VCL: variants seen among roughly 807,000 people sequenced by gnomAD.
VCL encodes the protein vinculin.
VCL carries 47 observed loss-of-function variants against 125.7 expected under a neutral mutation model. That is an observed-to-expected ratio of 0.37 (90% CI 0.30 to 0.48). The LOEUF is 0.48. Ranked by LOEUF, VCL falls within the 20% of genes least tolerant of loss-of-function variation. The probability of loss-of-function intolerance (pLI) is 0.99; values close to 1 mark genes in which losing one functional copy is unlikely to be tolerated. For missense variants in VCL, 1,069 were observed against 1,455.5 expected (o/e 0.73, Z 4.32); for synonymous variants, 458 against 514.6 (o/e 0.89, Z 1.49).
chr10:74,014,381 A>G (rs7915720), intron 1 of VCL, among the ~76,000 whole-genome samples: 95,710 of 151,630 alleles, frequency 0.63, 31,103 homozygotes, highest in Middle Eastern at 0.74. Flanking sequence ...ACAAGCATGT[A>G]CAGCCATGCC....
intron 1 of VCL, among the ~76,000 whole-genome samples, chr10:74,015,735 A>G (rs1840525852): frequency 6.7e-6 from 1 of 149,640 alleles, no homozygotes; most frequent in African/African-American, 2.5e-5. Flanking sequence ...CCCAGGCTAG[A>G]GTGCAGTGGT....
chr10:74,022,432 G>A (rs1472762754), intron 1 of VCL, among the ~76,000 whole-genome samples: 1 of 151,774 alleles, frequency 6.6e-6, no homozygotes, highest in African/African-American at 2.4e-5. Context: ...TGTAGTTACA[G>A]CTACTCCGGA....
intron 1 of VCL, chr10:74,016,939 A>C (rs565371833): frequency 6.6e-6 from 1 of 152,020 alleles, no homozygotes; most frequent in African/African-American, 2.4e-5. Context: ...GATATGCTCT[A>C]TATAAGTGAA....
intron 2 of VCL, among the ~76,000 whole-genome samples, chr10:74,062,788 C>T (rs1446550986): frequency 6.6e-6 from 1 of 152,008 alleles, no homozygotes; most frequent in Non-Finnish European, 1.5e-5. Context: ...TCTTCCTTGG[C>T]CGGGTGCAGT....
intron 1 of VCL, among the ~76,000 whole-genome samples, chr10:73,999,574 T>C (rs1840187337): frequency 6.6e-6 from 1 of 152,186 alleles, no homozygotes; most frequent in African/African-American, 2.4e-5. Context: ...GTCAGGGCAG[T>C]TGGGCGGCAA....
rs1839989090 is a variant in VCL, at chr10:74,097,449, G to A, written c.1872+117G>A. ...GGTTGGGAAACTGTAGATGAAGGGTGGAAGAGCAGAACAGGGAAAGCCCTA... is the reference window on the plus strand; with the variant it reads ...GGTTGGGAAACTGTAGATGAAGGGTAGAAGAGCAGAACAGGGAAAGCCCTA... On this transcript the variant is annotated intron_variant, in intron 13 of 21. Coordinates refer to ENST00000211998, the MANE Select transcript of VCL (RefSeq NM_014000.3). The surrounding 1 kb of genome is among the most constrained non-coding windows in gnomAD (Gnocchi z 4.1). The A allele has an allele frequency of 8.1e-6, 12 of 1,484,920 alleles. No homozygotes were observed. Among genetic ancestry groups the A allele is most frequent in the Non-Finnish European group, 1.0e-5 (11 of 1,083,586 alleles). The allele number at this position is 1,484,920 out of a possible 1,614,324, so 92.0% of individuals were successfully genotyped here.
intron 21 of VCL, among the ~76,000 whole-genome samples, 172 bp from the exon 22 acceptor site, chr10:74,117,851 C>T (rs953384487): frequency 1.1e-4 from 16 of 152,094 alleles, no homozygotes; most frequent in African/African-American, 3.6e-4. Context: ...TCAGCGATGG[C>T]CAGTTTTGGG....
intron 6 of VCL, chr10:74,077,703 ATTC>A (rs2136277291): frequency 2.2e-6 from 1 of 455,794 alleles, no homozygotes; most frequent in East Asian, 7.0e-5. Context: ...TTGGTGCAGT[ATTC>A]TTCTGGAAAG....
intron 6 of VCL, among the ~76,000 whole-genome samples, chr10:74,080,107 CAA>C (rs1839653433): frequency 6.6e-6 from 1 of 152,116 alleles, no homozygotes; most frequent in Non-Finnish European, 1.5e-5. Flanking sequence ...GCTGAATAGA[CAA>C]AAACTATTTT....
intron 21 of VCL, among the ~76,000 whole-genome samples, chr10:74,116,399 A>C (rs761533351): frequency 3.3e-5 from 5 of 152,200 alleles, no homozygotes; most frequent in Non-Finnish European, 7.3e-5. Context: ...CTGTCCAAAG[A>C]AAGGTGGAAA....
intron 1 of VCL, among the ~76,000 whole-genome samples, chr10:74,007,650 C>T (rs1344917128): frequency 6.6e-6 from 1 of 151,782 alleles, no homozygotes; most frequent in Non-Finnish European, 1.5e-5. Flanking sequence ...CACGTGCCAC[C>T]ACACCCAGCT....
At chr10:74,105,430 C>A in intron 16 of VCL, 77 bp downstream of exon 16, 1 of 1,566,692 alleles carries the variant, frequency 6.4e-7, no homozygotes, top group Non-Finnish European at 8.8e-7. Flanking sequence ...ATATGTACCC[C>A]ACAACCACCA....
intron 1 of VCL, among the ~76,000 whole-genome samples, chr10:74,039,834 T>G (rs536464458): frequency 2.6e-4 from 40 of 152,278 alleles, no homozygotes; most frequent in African/African-American, 8.2e-4. Context: ...AACTCCTGCC[T>G]CCTATTGTAC....
intron 2 of VCL, among the ~76,000 whole-genome samples, chr10:74,066,987 T>C (rs987117529): frequency 1.1e-4 from 17 of 152,306 alleles, no homozygotes; most frequent in Middle Eastern, 3.4e-3. Flanking sequence ...TATTGACTTT[T>C]AGGTAGATGG....
In VCL at chr10:74,105,035, T is replaced by C. The variant is rs1489696621; in HGVS notation, c.2132-16T>C. ...TTCTAAATTGAAACTAAATTCCATTTCTGTTTTCCTAACAGGGCTGGTGGA... is the reference window on the plus strand; with the variant it reads ...TTCTAAATTGAAACTAAATTCCATTCCTGTTTTCCTAACAGGGCTGGTGGA... On this transcript the variant is annotated splice_polypyrimidine_tract_variant and intron_variant, in intron 15 of 21. Coordinates refer to ENST00000211998, the MANE Select transcript of VCL (RefSeq NM_014000.3). 6.2e-7 allele frequency: 1 copy of C among 1,613,990 alleles called. No individual in the cohort carries two copies. The highest frequency in any genetic ancestry group is 1.7e-5 in the Admixed American group (1 of 59,990).
At chr10:74,041,314 T>C (rs1169495348) in intron 1 of VCL, among the ~76,000 whole-genome samples, 1 of 152,196 alleles carries the variant, frequency 6.6e-6, no homozygotes, top group Non-Finnish European at 1.5e-5. Flanking sequence ...TGGCTTTATA[T>C]TGTTAAAATG....
At chr10:74,010,916 G>A (rs1591649274) in intron 1 of VCL, among the ~76,000 whole-genome samples, 1 of 151,660 alleles carries the variant, frequency 6.6e-6, no homozygotes, top group Admixed American at 6.6e-5. Flanking sequence ...ATGCCTGTAA[G>A]CCCAGCACTC....
intron 8 of VCL, 94 bp from the exon 9 acceptor site, chr10:74,089,102 T>C: frequency 1.3e-6 from 2 of 1,563,038 alleles, no homozygotes; most frequent in Non-Finnish European, 1.7e-6. Flanking sequence ...AAGCCAAGCA[T>C]GTTCATGAAA....
At position 74,061,340 on chromosome 10, in the gene VCL, A is replaced by G. The variant is rs566060097; in HGVS notation, c.240-9330A>G. On this transcript the variant is annotated intron_variant, in intron 2 of 21. Transcript: ENST00000211998. ...GTCTTATTGTATAAAAAAATGGTTC[A>G]GTCTCTGTTTTGGACCTATCATTTT... is the stretch of plus-strand genomic sequence containing the variant. Among the ~76,000 whole-genome samples the G allele has an allele frequency of 1.8e-3, 280 of 152,298 alleles. 1 individual carries two copies. Among genetic ancestry groups the G allele is most frequent in the Non-Finnish European group, 3.1e-3 (208 of 68,010 alleles).
Sources: gnomAD v4.1 joint callset for allele counts (sites outside exome capture counted in the v4.1 genomes callset) on GRCh38, gnomAD v4.1.1 for gene constraint, Gnocchi (gnomAD v3.1) non-coding constraint, MANE v1.5 for transcripts, NCBI Gene and HGNC (gene_info 2026-07-23, HGNC 2026-07-21) for gene names.